The following MYOF variants were observed in gnomAD, a reference collection of about 807,000 sequenced individuals.
MYOF encodes fer-1-like 3, myoferlin.
A neutral mutation model predicts 284.2 loss-of-function variants in MYOF; 244 were observed. The observed-to-expected ratio is 0.86, with a 90% CI of 0.77 to 0.95. The LOEUF (loss-of-function observed/expected upper bound fraction) is 0.95. MYOF is among the 40% of genes least tolerant of loss of function. MYOF has a pLI of 0.00. For synonymous variants in MYOF, 904 were observed against 919.7 expected (o/e 0.98, Z 0.31); for missense variants, 2,496 against 2,560.6 (o/e 0.97, Z 0.54).
At chr10:93,441,063 T>C (rs963656753) in intron 3 of MYOF, among the ~76,000 whole-genome samples, 1 of 152,278 alleles carries the variant, frequency 6.6e-6, no homozygotes, top group East Asian at 1.9e-4. Flanking sequence ...GCTTCTAGTT[T>C]AGATTTTTGT....
chr10:93,361,764 T>A (rs900113680), intron 27 of MYOF, among the ~76,000 whole-genome samples: 4 of 152,240 alleles, frequency 2.6e-5, no homozygotes, highest in African/African-American at 7.2e-5. Flanking sequence ...CCTTTTGTTT[T>A]TACTATTAGG....
In MYOF at chr10:93,310,027, G is replaced by C. The variant is rs780054378; in HGVS notation, c.6140C>G (p.Ser2047Cys). 5.0e-6 allele frequency: 8 copies of C among 1,614,156 alleles called. No homozygotes were observed. Among genetic ancestry groups the C allele is most frequent in the South Asian group, 2.2e-5 (2 of 91,074 alleles). Residue 2047 changes from serine to cysteine, a missense_variant, in exon 53 of 54, where the codon TCT (serine) becomes TGT (cysteine). By Grantham distance (112) the Ser-to-Cys change is moderately radical. Around this residue, in one of 3 missense-constraint regions of MYOF, gnomAD observed 2,436 missense variants for 2,480.7 expected, o/e 0.98. Transcript: ENST00000359263. ...CCAAGGAAGGGCTCCTACCGGCAAA[G>C]AGTAGAGGAGCACGGCCACGAAGAG... is the stretch of plus-strand genomic sequence containing the variant. Reference protein sequence around the residue: ...LLLFVAVLLYSLPNYLSMKIV... With the variant: ...LLLFVAVLLYCLPNYLSMKIV...
intron 38 of MYOF, chr10:93,340,383 A>G (rs1843842321): frequency 1.8e-6 from 1 of 544,994 alleles, no homozygotes; most frequent in African/African-American, 1.9e-5. Flanking sequence ...TTTTCTGAAA[A>G]TATGCAAAAG....
At chr10:93,341,477 A>C in intron 38 of MYOF, among the ~76,000 whole-genome samples, 1 of 152,062 alleles carries the variant, frequency 6.6e-6, no homozygotes, top group East Asian at 1.9e-4. Context: ...GGGTTTCACC[A>C]TGTTGGCCAG....
intron 1 of MYOF, among the ~76,000 whole-genome samples, chr10:93,469,976 C>A (rs1169767045): frequency 3.9e-5 from 6 of 151,950 alleles, no homozygotes; most frequent in African/African-American, 1.4e-4. Context: ...CGCTTGTAAT[C>A]CCAGCACTTT....
At position 93,359,057 on chromosome 10, in the gene MYOF, T is replaced by A. The variant is rs1844942751; in HGVS notation, c.3120+776A>T. On this transcript the variant is annotated intron_variant, in intron 29 of 53. Transcript: ENST00000359263. ...ATACAAAGATGACTGTGGCTCCATC[T>A]TTGCTTCCAGAAGCTCACCATCTAA... Among the ~76,000 whole-genome samples, 12 of 152,294 alleles carry A rather than the reference T, an allele frequency of 7.9e-5. No homozygotes were observed. The South Asian group carries it at 2.5e-3, about 32-fold the overall frequency.
chr10:93,400,618 G>A (rs568613377), intron 12 of MYOF, among the ~76,000 whole-genome samples: 78 of 152,174 alleles, frequency 5.1e-4, no homozygotes, highest in African/African-American at 1.8e-3. Flanking sequence ...GCAGCCTCCT[G>A]GGGACTTGGA....
At position 93,374,751 on chromosome 10, in the gene MYOF, T is replaced by G. The variant is rs7478391; in HGVS notation, c.2301+12A>C. On this transcript the variant is annotated intron_variant, in intron 23 of 53. Transcript: ENST00000359263. ...CATATCAGGTGACGTTTGTGTAGTTTAAAAGTCCTACCTCTTCAGTCAGCT... is the reference window on the plus strand; with the variant it reads ...CATATCAGGTGACGTTTGTGTAGTTGAAAAGTCCTACCTCTTCAGTCAGCT... 2 of 1,611,306 alleles carry G rather than the reference T, an allele frequency of 1.2e-6. No individual in the cohort carries two copies. The highest frequency in any genetic ancestry group is 2.2e-5 in the South Asian group (2 of 90,648).
intron 7 of MYOF, among the ~76,000 whole-genome samples, chr10:93,407,414 ACT>A (rs1847649193): frequency 9.4e-6 from 1 of 105,918 alleles, no homozygotes; most frequent in Non-Finnish European, 1.9e-5. Context: ...GGCAACAGAG[ACT>A]CTGTCTCAAA....
At chr10:93,460,166 G>T (rs1471795112) in intron 1 of MYOF, among the ~76,000 whole-genome samples, 1 of 152,174 alleles carries the variant, frequency 6.6e-6, no homozygotes, top group Non-Finnish European at 1.5e-5. Flanking sequence ...CCAAGGCAGG[G>T]ACAAGGGCTC....
chr10:93,341,228 T>A (rs1249479139), intron 38 of MYOF, among the ~76,000 whole-genome samples: 1 of 152,202 alleles, frequency 6.6e-6, no homozygotes, highest in East Asian at 1.9e-4. Flanking sequence ...AGAATCTGTT[T>A]GTTCACAATT....
At chr10:93,409,490 G>C (rs1408554679) in intron 6 of MYOF, 83 bp downstream of exon 6, 31 of 1,473,626 alleles carry the variant, frequency 2.1e-5, no homozygotes, top group Non-Finnish European at 2.7e-5. Context: ...ATTGGAATAG[G>C]TCCACTGAAA....
chr10:93,328,362 T>C (rs551886593), intron 45 of MYOF, among the ~76,000 whole-genome samples: 33 of 152,234 alleles, frequency 2.2e-4, no homozygotes, highest in Admixed American at 6.5e-4. Context: ...AATGGGAACA[T>C]AGCAGGCTCT....
Position 93,482,168 on chromosome 10 carries a change from G to T in MYOF, c.27C>A (p.Ala9=). ...CAAATTTCGTTTTAGGGATATTGCT[G>T]GCAGATTCCACAATCACTCGCAGCA... is the stretch of plus-strand genomic sequence containing the variant. MLRVIVES[A]SNIPKTKFGK... Residue 9 remains alanine (A), a synonymous_variant, in exon 1 of 54, where the codon GCC becomes GCA. Transcript: ENST00000359263. 1 of 1,614,078 alleles carries T rather than the reference G, an allele frequency of 6.2e-7. No homozygotes were observed. Among genetic ancestry groups the T allele is most frequent in the Non-Finnish European group, 8.5e-7 (1 of 1,179,964 alleles).
intron 5 of MYOF, among the ~76,000 whole-genome samples, chr10:93,423,427 C>T (rs569463572): frequency 4.6e-4 from 67 of 147,030 alleles, no homozygotes; most frequent in African/African-American, 1.4e-3. Flanking sequence ...CTCGGGAGGC[C>T]GAGGCACGAG....
intron 26 of MYOF, among the ~76,000 whole-genome samples, chr10:93,365,857 A>G (rs1845300295): frequency 6.6e-6 from 1 of 152,170 alleles, no homozygotes; most frequent in South Asian, 2.1e-4. Flanking sequence ...CTAAGCCTAG[A>G]GTTCTCTCAT....
At chr10:93,408,486 G>A (rs940417198) in intron 7 of MYOF, among the ~76,000 whole-genome samples, 4 of 150,752 alleles carry the variant, frequency 2.7e-5, no homozygotes, top group African/African-American at 4.9e-5. Context: ...GCAGTGAGCC[G>A]AGATCACGCC....
At chr10:93,354,663 T>TCTCTCTC (rs1844701533) in intron 31 of MYOF, among the ~76,000 whole-genome samples, 3 of 60,172 alleles carry the variant, frequency 5.0e-5, no homozygotes, top group Admixed American at 1.5e-4. Flanking sequence ...CACTCACACA[T>TCTCTCTC]TCACTCTCTC....
chr10:93,456,556 C>T (rs116106505), intron 2 of MYOF, among the ~76,000 whole-genome samples: 283 of 152,318 alleles, frequency 1.9e-3, no homozygotes, highest in African/African-American at 6.5e-3. Context: ...TCTAATCCCA[C>T]CCTTGCTCTG....
Sources: gnomAD v4.1 joint callset for allele counts (sites outside exome capture counted in the v4.1 genomes callset) on GRCh38, gnomAD v4.1.1 for gene constraint, gnomAD v4.1.1 regional missense constraint, MANE v1.5 for transcripts, NCBI Gene and HGNC (gene_info 2026-07-23, HGNC 2026-07-21) for gene names.